Variants in ADGRF5 observed in about 807,000 individuals in gnomAD.
The protein encoded by ADGRF5 is adhesion G protein-coupled receptor F5, also known as G-protein coupled receptor 116.
A neutral mutation model predicts 132.3 loss-of-function variants in ADGRF5; 75 were observed. The ratio of observed to expected loss-of-function variants is 0.57; its 90% CI spans 0.47 to 0.69. The LOEUF (loss-of-function observed/expected upper bound fraction) is 0.69. Ranked by LOEUF, ADGRF5 falls within the 30% of genes least tolerant of loss-of-function variation. ADGRF5 has a pLI of 0.00. For missense variants in ADGRF5, 1,516 were observed against 1,630.6 expected (o/e 0.93, Z 1.21); for synonymous variants, 629 against 597.6 (o/e 1.05, Z -0.77).
At chr6:46,941,383 G>C (rs1027715301) in intron 1 of ADGRF5, among the ~76,000 whole-genome samples, 1 of 106,054 alleles carries the variant, frequency 9.4e-6, no homozygotes, top group African/African-American at 3.9e-5. Flanking sequence ...GAGAAAGAAA[G>C]AAACAAAGAA....
intron 12 of ADGRF5, among the ~76,000 whole-genome samples, chr6:46,868,205 T>A (rs1458438722): frequency 6.6e-6 from 1 of 152,250 alleles, no homozygotes; most frequent in Non-Finnish European, 1.5e-5. Context: ...GTTTGCATCC[T>A]GGCTCTGCCA....
chr6:46,937,896 A>T (rs2150940937), intron 1 of ADGRF5, among the ~76,000 whole-genome samples: 1 of 152,306 alleles, frequency 6.6e-6, no homozygotes, highest in East Asian at 1.9e-4. Context: ...ATGAGATTTC[A>T]TCATGCTGCT....
At chr6:46,909,988 A>C (rs1318343670) in intron 1 of ADGRF5, among the ~76,000 whole-genome samples, 1 of 151,020 alleles carries the variant, frequency 6.6e-6, no homozygotes, top group Non-Finnish European at 1.5e-5. Context: ...AACCTCTAAC[A>C]GAGCAAGACC....
At chr6:46,857,192 C>G (rs1325313139) in intron 17 of ADGRF5, among the ~76,000 whole-genome samples, 1 of 152,176 alleles carries the variant, frequency 6.6e-6, no homozygotes, top group Non-Finnish European at 1.5e-5. Flanking sequence ...CTTGTGTCTA[C>G]AATATTCTTT....
chr6:46,865,160 G>T lies in ADGRF5; in HGVS notation c.1872C>A (p.His624Gln). The change falls in exon 14 of 21, where the codon CAC becomes CAA. Residue 624 changes from histidine (H) to glutamine (Q), a missense_variant. This residue lies in a region of ADGRF5 where 945 missense variants were observed against 929.4 expected (regional missense o/e 1.02). Transcript: ENST00000283296. ...EVNKKQVCYK[H>Q]NFNASSVSWC... The stretch of plus-strand genomic sequence containing the variant: ...AGGAAACTGAGCTTGCATTGAAATT[G>T]TGTTTGTAGCACACTTGTTTTTTGT... 2 of 1,612,812 alleles carry T rather than the reference G, an allele frequency of 1.2e-6. No individual in the cohort carries two copies. Among genetic ancestry groups the T allele is most frequent in the Non-Finnish European group, 8.5e-7 (1 of 1,178,944 alleles).
intron 6 of ADGRF5, among the ~76,000 whole-genome samples, chr6:46,882,672 C>T (rs1403113950): frequency 6.6e-6 from 1 of 152,190 alleles, no homozygotes; most frequent in Non-Finnish European, 1.5e-5. Flanking sequence ...TAGGTGGTTG[C>T]TATGTAACTC....
intron 17 of ADGRF5, 72 bp downstream of exon 17, chr6:46,858,057 G>C: frequency 4.3e-6 from 5 of 1,165,660 alleles, no homozygotes; most frequent in Non-Finnish European, 6.1e-6. Flanking sequence ...TCCTACTCTT[G>C]TTTGTGTTTC....
At chr6:46,936,663 C>T (rs1159072892) in intron 1 of ADGRF5, among the ~76,000 whole-genome samples, 1 of 152,206 alleles carries the variant, frequency 6.6e-6, no homozygotes, top group Non-Finnish European at 1.5e-5. Context: ...GGAGTCTGCA[C>T]TCTAGTTGAG....
upstream of ADGRF5, among the ~76,000 whole-genome samples, chr6:46,924,508 C>T (rs992303069): frequency 5.4e-4 from 82 of 152,172 alleles, no homozygotes; most frequent in African/African-American, 1.7e-3. Flanking sequence ...CTTTGAAACC[C>T]TTCTCTGTTG....
At chr6:46,869,523 C>T (rs1770819948) in intron 11 of ADGRF5, among the ~76,000 whole-genome samples, 1 of 152,054 alleles carries the variant, frequency 6.6e-6, no homozygotes, top group Non-Finnish European at 1.5e-5. Flanking sequence ...TTAATAATAC[C>T]ACATTGTGTA....
rs570926271 is a variant in ADGRF5, at chr6:46,898,673, G to T, written c.157+1356C>A. On this transcript the variant is annotated intron_variant, in intron 3 of 20. Coordinates refer to ENST00000283296, the MANE Select transcript of ADGRF5 (RefSeq NM_001098518.2). ...ATTTCAAGCGCTGGACAACAGTTGA[G>T]TCTGGCCACTGCACCGTGAAAGGCT... Among the ~76,000 whole-genome samples, 8 of 152,322 alleles carry T rather than the reference G, an allele frequency of 5.3e-5. No homozygotes were observed. In the South Asian group the frequency reaches 1.7e-3, roughly 32 times the overall value.
At chr6:46,886,101 C>G (rs767038897) in intron 4 of ADGRF5, among the ~76,000 whole-genome samples, 3 of 152,196 alleles carry the variant, frequency 2.0e-5, no homozygotes, top group Non-Finnish European at 4.4e-5. Context: ...TGCTTTGAAT[C>G]AATTTCCAAA....
chr6:46,926,976 G>T lies in ADGRF5; in HGVS notation c.-24-20190C>A, dbSNP rs1038876312. Among the ~76,000 whole-genome samples the T allele has an allele frequency of 3.3e-5, 5 of 152,222 alleles. No homozygotes were observed. The South Asian group carries it at 6.2e-4, about 19-fold the overall frequency. On this transcript the variant is annotated intron_variant, in intron 1 of 20. Transcript: ENST00000265417. ...TGGGTGCGGGCACTCTCCAATGGCG[G>T]ATACCATATACTGCAGTAACAGCGA...
chr6:46,894,413 T>C (rs1403123059), intron 3 of ADGRF5, among the ~76,000 whole-genome samples: 7 of 151,998 alleles, frequency 4.6e-5, no homozygotes, highest in African/African-American at 1.2e-4. Flanking sequence ...CACTGTGTCA[T>C]CAAACACCAG....
At chr6:46,932,435 T>A (rs1777595218) in intron 1 of ADGRF5, among the ~76,000 whole-genome samples, 1 of 152,210 alleles carries the variant, frequency 6.6e-6, no homozygotes, top group African/African-American at 2.4e-5. Context: ...ATACTGTTAG[T>A]GGAATCCAGT....
chr6:46,866,710 G>T (rs375038955), intron 13 of ADGRF5, among the ~76,000 whole-genome samples: 3 of 151,524 alleles, frequency 2.0e-5, no homozygotes, highest in East Asian at 3.9e-4. Flanking sequence ...AAAAAAAAAG[G>T]CTCCACCATT....
chr6:46,949,894 C>G (rs868081609), intron 1 of ADGRF5, among the ~76,000 whole-genome samples: 1 of 152,150 alleles, frequency 6.6e-6, no homozygotes, highest in Non-Finnish European at 1.5e-5. Context: ...TCATTGTTCT[C>G]GTTTCTTTTT....
Position 46,858,467 on chromosome 6 carries a change from T to A in ADGRF5, c.3436A>T (p.Thr1146Ser). 2 of 1,613,810 alleles carry A rather than the reference T, an allele frequency of 1.2e-6. No homozygotes were observed. The highest frequency in any genetic ancestry group is 1.7e-6 in the Non-Finnish European group (2 of 1,179,802). The change falls in exon 17 of 21, where the codon ACG (threonine) becomes TCG (serine). Residue 1146 changes from threonine (T) to serine (S), a missense_variant. Coordinates refer to ENST00000283296, the MANE Select transcript of ADGRF5 (RefSeq NM_001098518.2). Reference sequence around the variant, plus strand: ...TCCCGGGGCTGGGTGGCTCCCAGCGTGATGACCGAGATGGCAAGTGGGCAG... The same window carrying A: ...TCCCGGGGCTGGGTGGCTCCCAGCGAGATGACCGAGATGGCAAGTGGGCAG... ...YGCPLAISVI[T>S]LGATQPREVY... is the part of the protein sequence containing the mutation.
chr6:46,950,146 C>T (rs1462745271), intron 1 of ADGRF5, among the ~76,000 whole-genome samples: 1 of 152,186 alleles, frequency 6.6e-6, no homozygotes, highest in Non-Finnish European at 1.5e-5. Flanking sequence ...TTATGGGCAT[C>T]CCTTTGGGAA....
Sources: allele counts gnomAD v4.1 joint callset (sites outside exome capture counted in the v4.1 genomes callset), GRCh38; gene constraint gnomAD v4.1.1; regional missense constraint gnomAD v4.1.1; transcripts MANE v1.5; gene names NCBI Gene and HGNC (gene_info 2026-07-23, HGNC 2026-07-21).